Variants in PCSK5 observed in about 807,000 individuals in gnomAD.
PCSK5 encodes prohormone convertase 5.
Under a neutral mutation model 233.2 loss-of-function variants are expected in PCSK5, and 129 were observed. The ratio of observed to expected loss-of-function variants is 0.55; its 90% CI spans 0.48 to 0.64. The LOEUF (loss-of-function observed/expected upper bound fraction) is 0.64, where lower values mean the gene tolerates loss of function less well. Among genes scored for constraint, PCSK5 ranks in the 30% least tolerant of loss-of-function variants. The pLI is 0.00. For synonymous variants in PCSK5, 825 were observed against 879.2 expected (o/e 0.94, Z 1.09); for missense variants, 2,076 against 2,430.1 (o/e 0.85, Z 3.06).
chr9:76,003,962 A>T (rs1322782099), intron 3 of PCSK5, among the ~76,000 whole-genome samples: 1 of 151,980 alleles, frequency 6.6e-6, no homozygotes, highest in Non-Finnish European at 1.5e-5. Context: ...CAGCTGGCTA[A>T]TTTTTTTATT....
chr9:76,315,075 C>G (rs937552925), intron 30 of PCSK5, among the ~76,000 whole-genome samples: 1 of 152,096 alleles, frequency 6.6e-6, no homozygotes, highest in Non-Finnish European at 1.5e-5. Context: ...GCCTCAGCCT[C>G]CCAAGTATCT....
At chr9:75,918,167 CT>C (rs1297036179) in intron 1 of PCSK5, among the ~76,000 whole-genome samples, 2 of 152,152 alleles carry the variant, frequency 1.3e-5, no homozygotes, top group Non-Finnish European at 2.9e-5. Context: ...AGATTGGGCC[CT>C]TAGCGTTATA....
At chr9:76,189,849 A>G in intron 20 of PCSK5, 103 bp downstream of exon 20, 1 of 632,554 alleles carries the variant, frequency 1.6e-6, no homozygotes, top group Non-Finnish European at 2.8e-6. Flanking sequence ...AGCATGCATC[A>G]GATATGACAT....
intron 24 of PCSK5, among the ~76,000 whole-genome samples, chr9:76,278,527 T>C (rs1197232106): frequency 6.7e-6 from 1 of 149,310 alleles, no homozygotes; most frequent in Non-Finnish European, 1.5e-5. Flanking sequence ...GGACCTGAGC[T>C]TTTTTTTTTC....
intron 36 of PCSK5, among the ~76,000 whole-genome samples, chr9:76,352,201 C>G (rs1436797284): frequency 6.6e-6 from 1 of 152,142 alleles, no homozygotes; most frequent in Non-Finnish European, 1.5e-5. Flanking sequence ...CATGACTTCC[C>G]TTTTTAGACC....
chr9:76,103,998 G>A (rs1303171219), intron 8 of PCSK5, among the ~76,000 whole-genome samples: 4 of 152,286 alleles, frequency 2.6e-5, no homozygotes, highest in Admixed American at 1.3e-4. Context: ...TGGGCCGACT[G>A]TTGAATGCAA....
chr9:76,246,870 C>T (rs1826622224), intron 24 of PCSK5, among the ~76,000 whole-genome samples: 3 of 152,208 alleles, frequency 2.0e-5, no homozygotes, highest in Admixed American at 2.0e-4. Flanking sequence ...CCCAGAGCTC[C>T]TAAGATGGTG....
chr9:76,064,769 G>C (rs1830217144), intron 5 of PCSK5, among the ~76,000 whole-genome samples: 1 of 150,702 alleles, frequency 6.6e-6, no homozygotes, highest in African/African-American at 2.4e-5. Context: ...TCACATCCCA[G>C]ATGGGGCGGC....
chr9:76,074,993 G>A (rs1830595269), intron 7 of PCSK5, among the ~76,000 whole-genome samples: 1 of 152,114 alleles, frequency 6.6e-6, no homozygotes, highest in Admixed American at 6.6e-5. Flanking sequence ...GCCAAGGAGG[G>A]CGGATCACCT....
At chr9:76,224,974 T>C (rs1825841657) in intron 20 of PCSK5, among the ~76,000 whole-genome samples, 1 of 152,194 alleles carries the variant, frequency 6.6e-6, no homozygotes, top group Non-Finnish European at 1.5e-5. Context: ...GCAAGGTGTT[T>C]TAGTTTAAAA....
intron 32 of PCSK5, 141 bp downstream of exon 32, chr9:76,323,429 G>T: frequency 1.6e-6 from 1 of 612,274 alleles, no homozygotes; most frequent in Non-Finnish European, 2.9e-6. Context: ...TATTGCCCAG[G>T]CTCAAGTTCA....
Position 76,362,186 on chromosome 9 carries a change from G to T in PCSK5, c.*3264G>T, listed in dbSNP as rs1587381248. 6.6e-6 allele frequency: 1 copy of T among 152,264 alleles called. No homozygotes were observed. Among genetic ancestry groups the T allele is most frequent in the South Asian group, 2.1e-4 (1 of 4,822 alleles). 9.4% of individuals were successfully genotyped at this position (152,264 alleles called of 1,614,324 possible). A position where few individuals can be genotyped will look rare whatever the true frequency, so the allele number is the denominator to read the frequency against. On this transcript the variant is annotated 3_prime_UTR_variant, in exon 38 of 38. Coordinates refer to ENST00000674117, the MANE Select transcript of PCSK5 (RefSeq NM_001372043.1). ...TGACTATCTAAATAGATAAATATGTGATTGGAAAACAAAGTCACCTTTTAG... is the reference window on the plus strand; with the variant it reads ...TGACTATCTAAATAGATAAATATGTTATTGGAAAACAAAGTCACCTTTTAG...
chr9:76,107,607 C>A (rs1187864582), intron 9 of PCSK5, among the ~76,000 whole-genome samples: 1 of 152,160 alleles, frequency 6.6e-6, no homozygotes, highest in Non-Finnish European at 1.5e-5. Flanking sequence ...CACATGCATG[C>A]CAGTTGGCTC....
At chr9:75,993,103 G>A (rs1209027021) in intron 3 of PCSK5, among the ~76,000 whole-genome samples, 2 of 152,114 alleles carry the variant, frequency 1.3e-5, no homozygotes, top group East Asian at 1.9e-4. Flanking sequence ...AAATCTGGTG[G>A]AGTTTGTGGC....
rs147224429 is a variant in PCSK5, at chr9:76,334,114, C to T, written c.4748+1504C>T. On this transcript the variant is annotated intron_variant, in intron 34 of 37. Transcript: ENST00000674117. ...GCAAAGAGAGAGAATGAGAGCCAGGCGAAACGGGTTTCTCCTTATCAAACC... is the reference window on the plus strand; with the variant it reads ...GCAAAGAGAGAGAATGAGAGCCAGGTGAAACGGGTTTCTCCTTATCAAACC... 9.4e-4 allele frequency among the ~76,000 whole-genome samples: 143 copies of T among 152,070 alleles called. 2 individuals carry two copies. The Middle Eastern group carries it at 0.014, about 15-fold the overall frequency.
At chr9:76,038,743 A>C (rs930439646) in intron 5 of PCSK5, among the ~76,000 whole-genome samples, 3 of 152,202 alleles carry the variant, frequency 2.0e-5, no homozygotes, top group African/African-American at 7.2e-5. Context: ...CAAAGTCAGG[A>C]ACAATCTTAG....
At chr9:76,189,338 TG>T in intron 19 of PCSK5, 115 bp downstream of exon 19, 2 of 881,022 alleles carry the variant, frequency 2.3e-6, no homozygotes, top group African/African-American at 3.4e-5. Context: ...GGTTTAAACA[TG>T]TACCTGTGGA....
At chr9:76,157,521 G>T (rs1391432860) in intron 11 of PCSK5, among the ~76,000 whole-genome samples, 2 of 149,900 alleles carry the variant, frequency 1.3e-5, no homozygotes, top group African/African-American at 2.5e-5. Flanking sequence ...TATCCAAAGA[G>T]TGGTACAAAA....
At chr9:76,344,897 G>A (rs2842496) in intron 35 of PCSK5, among the ~76,000 whole-genome samples, 139,827 of 151,834 alleles carry the variant, frequency 0.92, 64,268 homozygotes, top group East Asian at 1. Context: ...AAAACAGGAC[G>A]ACACCAGCCT....
Sources: gnomAD v4.1 joint callset for allele counts (sites outside exome capture counted in the v4.1 genomes callset) on GRCh38, gnomAD v4.1.1 for gene constraint, MANE v1.5 for transcripts, NCBI Gene and HGNC (gene_info 2026-07-23, HGNC 2026-07-21) for gene names.